Variants in STXBP6 observed in about 807,000 individuals in gnomAD.
STXBP6 encodes syntaxin-binding protein 6.
A neutral mutation model predicts 26.9 loss-of-function variants in STXBP6; 21 were observed. The observed-to-expected ratio is 0.78, with a 90% CI of 0.55 to 1.12. The LOEUF (loss-of-function observed/expected upper bound fraction) is 1.12. Among genes scored for constraint, STXBP6 ranks in the 50% most tolerant of loss-of-function variants. The probability of loss-of-function intolerance (pLI) is 0.00; values close to 1 mark genes in which losing one functional copy is unlikely to be tolerated. For missense variants in STXBP6, 232 were observed against 257.9 expected, an observed-to-expected ratio of 0.90 and a Z score of 0.69; for synonymous variants, 97 against 92.6, an observed-to-expected ratio of 1.05 and a Z score of -0.27.
intron 2 of STXBP6, among the ~76,000 whole-genome samples, chr14:24,948,952 C>T (rs1364143389): frequency 6.6e-6 from 1 of 152,006 alleles, no homozygotes; most frequent in Non-Finnish European, 1.5e-5. Flanking sequence ...TAAAATCGAT[C>T]CCAATTTCTT....
At chr14:24,817,198 T>C (rs1161208674) in intron 5 of STXBP6, 1 of 152,186 alleles carries the variant, frequency 6.6e-6, no homozygotes, top group Admixed American at 6.5e-5. Flanking sequence ...CCTCGCAAAC[T>C]TGGCCACAGT....
At chr14:25,037,087 C>A (rs1202817010) in intron 1 of STXBP6, among the ~76,000 whole-genome samples, 3 of 152,090 alleles carry the variant, frequency 2.0e-5, no homozygotes, top group Non-Finnish European at 4.4e-5. Flanking sequence ...ACAGTCCTGG[C>A]AGAATGTGGC....
chr14:25,046,575 G>C (rs1304847050), intron 1 of STXBP6, among the ~76,000 whole-genome samples: 1 of 152,204 alleles, frequency 6.6e-6, no homozygotes, highest in Non-Finnish European at 1.5e-5. Flanking sequence ...TTAAGGCACT[G>C]ACTGACCTCC....
intron 4 of STXBP6, among the ~76,000 whole-genome samples, chr14:24,838,314 T>G (rs1323554156): frequency 6.6e-6 from 1 of 152,152 alleles, no homozygotes; most frequent in Non-Finnish European, 1.5e-5. Context: ...CCCAGCAAGC[T>G]TCACTGGTTT....
At chr14:24,938,894 C>T (rs2072700030) in intron 2 of STXBP6, among the ~76,000 whole-genome samples, 1 of 152,026 alleles carries the variant, frequency 6.6e-6, no homozygotes, top group Admixed American at 6.6e-5. Flanking sequence ...ACCATTGTGG[C>T]AGTACAACAA....
At chr14:25,038,868 G>C (rs2075596741) in intron 1 of STXBP6, among the ~76,000 whole-genome samples, 3 of 152,086 alleles carry the variant, frequency 2.0e-5, no homozygotes, top group African/African-American at 4.8e-5. Context: ...GGAGGAGATG[G>C]AGGGACCAGG....
intron 1 of STXBP6, among the ~76,000 whole-genome samples, chr14:25,023,717 G>A (rs2075299433): frequency 6.6e-6 from 1 of 152,028 alleles, no homozygotes; most frequent in African/African-American, 2.4e-5. Flanking sequence ...AATCACTTGA[G>A]CCAAGAAGAT....
intron 2 of STXBP6, among the ~76,000 whole-genome samples, chr14:24,860,164 A>G (rs1013332633): frequency 1.3e-5 from 2 of 152,196 alleles, no homozygotes; most frequent in Non-Finnish European, 2.9e-5. Flanking sequence ...TGGCCCCTCC[A>G]TGAGACACTT....
At chr14:24,987,910 T>G in intron 1 of STXBP6, 2 of 984,696 alleles carry the variant, frequency 2.0e-6, no homozygotes, top group Non-Finnish European at 2.4e-6. Context: ...TGCATTGTCC[T>G]AACGCTGAGG....
intron 2 of STXBP6, among the ~76,000 whole-genome samples, chr14:24,899,799 A>AT (rs1555323348): frequency 7.4e-5 from 7 of 95,158 alleles, no homozygotes; most frequent in African/African-American, 2.9e-4. Context: ...AAAAAAAAAA[A>AT]GCAAAAAAAA....
intron 2 of STXBP6, among the ~76,000 whole-genome samples, chr14:24,906,876 A>G (rs2071402247): frequency 6.6e-6 from 1 of 152,206 alleles, no homozygotes; most frequent in Admixed American, 6.5e-5. Context: ...TCAATGAACA[A>G]TAAAGATACA....
At chr14:24,868,559 G>T (rs890895458) in intron 2 of STXBP6, among the ~76,000 whole-genome samples, 2 of 152,134 alleles carry the variant, frequency 1.3e-5, no homozygotes, top group Non-Finnish European at 2.9e-5. Flanking sequence ...ATCTATACAT[G>T]GAGTCAGAGA....
In STXBP6 at chr14:24,997,680, T is replaced by A. The variant is rs575772705; in HGVS notation, c.-32-22830A>T. ...TTTGGTTATATAAGCAATACAAAAA[T>A]GCACAAAGTAGAAAATAAAAGGCTG... is the stretch of plus-strand genomic sequence containing the variant. On this transcript the variant is annotated intron_variant, in intron 1 of 5. Transcript: ENST00000323944. Among the ~76,000 whole-genome samples, 3 of 152,208 alleles carry A rather than the reference T, an allele frequency of 2.0e-5. No homozygotes were observed. The South Asian group carries it at 6.2e-4, about 31-fold the overall frequency.
chr14:24,881,976 T>C (rs922010233), intron 2 of STXBP6, among the ~76,000 whole-genome samples: 1 of 152,184 alleles, frequency 6.6e-6, no homozygotes, highest in Non-Finnish European at 1.5e-5. Flanking sequence ...TTCTCCTTCC[T>C]ATACATTGGC....
At chr14:24,989,861 G>C (rs561220001) in intron 1 of STXBP6, among the ~76,000 whole-genome samples, 1 of 152,296 alleles carries the variant, frequency 6.6e-6, no homozygotes, top group Non-Finnish European at 1.5e-5. Flanking sequence ...TTTCTTACAT[G>C]AGTATTAAGA....
At chr14:24,913,014 G>GT (rs546430946) in intron 2 of STXBP6, among the ~76,000 whole-genome samples, 2 of 152,144 alleles carry the variant, frequency 1.3e-5, no homozygotes, top group Non-Finnish European at 2.9e-5. Context: ...GCAATCCTGA[G>GT]TTATGAGCCC....
rs560914972 is a variant in STXBP6 at position 24,907,119 on chromosome 14, T to C, written c.155-49962A>G. ...TGTTTTATAAACAATAGGGTGACTA[T>C]AGATGTCAATAATTTATGTATATTT... On this transcript the variant is annotated intron_variant, in intron 2 of 5. Transcript: ENST00000323944. 2.6e-5 allele frequency among the ~76,000 whole-genome samples: 4 copies of C among 152,138 alleles called. No homozygotes were observed. In the East Asian group the frequency reaches 7.7e-4, roughly 29 times the overall value.
At chr14:25,044,335 T>A (rs886404937) in intron 1 of STXBP6, among the ~76,000 whole-genome samples, 4 of 152,192 alleles carry the variant, frequency 2.6e-5, no homozygotes, top group Admixed American at 1.3e-4. Context: ...CCCAAGTGGC[T>A]GTTCGGTTTT....
Position 24,811,034 on chromosome 14 carries a change from AAAAG to A in STXBP6, c.*1671_*1674del, listed in dbSNP as rs1308175209. 6.6e-6 allele frequency: 1 copy of A among 152,166 alleles called. No homozygotes were observed. The highest frequency in any genetic ancestry group is 2.4e-5 in the African/African-American group (1 of 41,428). 9.4% of individuals were successfully genotyped at this position (152,166 alleles called of 1,614,324 possible). ...GCTTCTTTAAATTTTTAAGACACCAAAAAGAAAGTATAAAATATTATAGTTAACT... is the reference window on the plus strand; with the variant it reads ...GCTTCTTTAAATTTTTAAGACACCAAAAAGTATAAAATATTATAGTTAACT... On this transcript the variant is annotated 3_prime_UTR_variant, in exon 6 of 6. Transcript: ENST00000323944.
Sources: gnomAD v4.1 joint callset for allele counts (sites outside exome capture counted in the v4.1 genomes callset) on GRCh38, gnomAD v4.1.1 for gene constraint, MANE v1.5 for transcripts, NCBI Gene and HGNC (gene_info 2026-07-23, HGNC 2026-07-21) for gene names.